FIGNL2: variants seen among roughly 807,000 people sequenced by gnomAD.
FIGNL2 encodes fidgetin like 2.
For missense variants in FIGNL2, 1,060 were observed against 950.2 expected (o/e 1.12, Z -1.52); for synonymous variants, 565 against 484.0 (o/e 1.17, Z -2.20).
In FIGNL2 at chr12:51,820,593, G is replaced by GGCC; in HGVS notation, c.1818_1820dup (p.Ala607dup). On this transcript the variant is annotated inframe_insertion, in exon 2 of 2. Coordinates refer to ENST00000618634, the MANE Select transcript of FIGNL2 (RefSeq NM_001384995.1). Reference sequence around the variant, plus strand: ...GCTGCAGCCCCGGGAGGCCCGCCCCGGCCGCCGCCTGCTGGCACAGCTGCC... The same window carrying GGCC: ...GCTGCAGCCCCGGGAGGCCCGCCCCGGCCGCCGCCGCCTGCTGGCACAGCTGCC... 7 of 1,525,690 alleles carry GGCC rather than the reference G, an allele frequency of 4.6e-6. No individual in the cohort carries two copies. The highest frequency in any genetic ancestry group is 2.6e-6 in the Non-Finnish European group (3 of 1,143,088). The allele number at this position is 1,525,690 out of a possible 1,614,324, so 94.5% of individuals were successfully genotyped here.
In FIGNL2 at chr12:51,821,717, G is replaced by C. The variant is rs773304995; in HGVS notation, c.697C>G (p.Pro233Ala). The C allele has an allele frequency of 3.8e-6, 5 of 1,333,164 alleles. No homozygotes were observed. The African/African-American group carries it at 7.7e-5, about 21-fold the overall frequency. The allele number at this position is 1,333,164 out of a possible 1,614,324, so 82.6% of individuals were successfully genotyped here. The change falls in exon 2 of 2, where the codon CCG becomes GCG. Residue 233 changes from proline to alanine, a missense_variant. Physicochemically the swap from Pro to Ala is conservative, Grantham distance 27. Transcript: ENST00000618634. ...AGGGGCGTGGGCGCGGGCAGGCCCG[G>C]GGTCAGGTAGGGGGCCGGGGGTGGG... ...PGPPPAPYLTPGLPAPTPLPA... is the reference protein window; with the variant it reads ...PGPPPAPYLTAGLPAPTPLPA...
Position 51,822,213 on chromosome 12 carries a change from G to A in FIGNL2, c.201C>T (p.Tyr67=), listed in dbSNP as rs771144128. The stretch of plus-strand genomic sequence containing the variant: ...CGTAGGGAGAATCCAAGACCCCAGA[G>A]TACTTCTCTGCATAGCGCTTTAGGA... ...SNLLKRYAEK[Y]SGVLDSPYER... is the part of the protein sequence containing the mutation. The change falls in exon 2 of 2, where the codon TAC becomes TAT. Residue 67 remains tyrosine, a synonymous_variant. Transcript: ENST00000618634. The A allele has an allele frequency of 1.3e-5, 21 of 1,611,854 alleles. No homozygotes were observed. In the East Asian group the frequency reaches 2.0e-4, roughly 15 times the overall value.
intron 1 of FIGNL2, among the ~76,000 whole-genome samples, chr12:51,837,454 G>A (rs1465730157): frequency 6.6e-6 from 1 of 152,200 alleles, no homozygotes. Flanking sequence ...GCTGCCTTGG[G>A]ATGGGCTGGG....
chr12:51,825,276 A>C (rs1349780283), intron 1 of FIGNL2, among the ~76,000 whole-genome samples: 1 of 152,176 alleles, frequency 6.6e-6, no homozygotes, highest in Non-Finnish European at 1.5e-5. Context: ...TAAATGAAGA[A>C]GACTCAGATC....
chr12:51,822,261 G>A lies in FIGNL2; in HGVS notation c.153C>T (p.Ile51=). 6.2e-7 allele frequency: 1 copy of A among 1,611,584 alleles called. No homozygotes were observed. ...RCHYAWAHDD[I]SALTASNLLK... ...GGAGGTTGGAGGCAGTGAGGGCTGA[G>A]ATGTCGTCGTGTGCCCAAGCGTAGT... is the stretch of plus-strand genomic sequence containing the variant. The change falls in exon 2 of 2, where the codon ATC becomes ATT. Residue 51 remains isoleucine, a synonymous_variant. Coordinates refer to ENST00000618634, the MANE Select transcript of FIGNL2 (RefSeq NM_001384995.1).
intron 1 of FIGNL2, among the ~76,000 whole-genome samples, chr12:51,828,637 C>T (rs1248911060): frequency 6.6e-6 from 1 of 152,190 alleles, no homozygotes; most frequent in African/African-American, 2.4e-5. Context: ...TCCTGCTGCC[C>T]TCGGGTCCTG....
In FIGNL2 at chr12:51,820,737, G is replaced by T; in HGVS notation, c.1677C>A (p.Asp559Glu). 6.7e-7 allele frequency: 1 copy of T among 1,484,000 alleles called. No individual in the cohort carries two copies. Among genetic ancestry groups the T allele is most frequent in the Non-Finnish European group, 8.9e-7 (1 of 1,126,430 alleles). 91.9% of individuals were successfully genotyped at this position (1,484,000 alleles called of 1,614,324 possible). A position where few individuals can be genotyped will look rare whatever the true frequency, so the allele number is the denominator to read the frequency against. ...GCAGGATCTGCCCGCGGGCCGGGCT[G>T]TCGGGCAGCGCCACGTAGAAGCGGA... ...FSLRFYVALP[D>E]SPARGQILQR... The change falls in exon 2 of 2, where the codon GAC becomes GAA. Residue 559 changes from aspartate (D) to glutamate (E), a missense_variant. By Grantham distance (45) the Asp-to-Glu change is conservative. Transcript: ENST00000618634.
chr12:51,847,491 A>T, intron 1 of FIGNL2: 1 of 985,456 alleles, frequency 1.0e-6, no homozygotes, highest in Non-Finnish European at 1.2e-6. Context: ...TTAGGTATCC[A>T]TGGAGACAGG....
chr12:51,822,029 G>A lies in FIGNL2; in HGVS notation c.385C>T (p.Leu129=). 6.2e-7 allele frequency: 1 copy of A among 1,604,778 alleles called. No homozygotes were observed. The highest frequency in any genetic ancestry group is 1.3e-5 in the African/African-American group (1 of 74,880). The change falls in exon 2 of 2, where the codon CTG becomes TTG. Residue 129 remains leucine, a synonymous_variant. Coordinates refer to ENST00000618634, the MANE Select transcript of FIGNL2 (RefSeq NM_001384995.1). ...CCGGCTAAAACTGGGGAGCCCCCCA[G>A]GGCCCCGGAACCGCCGCCACCGCCC... is the stretch of plus-strand genomic sequence containing the variant. The part of the protein sequence containing the change: ...KSGGGGGSGA[L]GGSPVLAGNL...
chr12:51,845,520 A>G, intron 1 of FIGNL2: 1 of 985,158 alleles, frequency 1.0e-6, no homozygotes, highest in Non-Finnish European at 1.2e-6. Flanking sequence ...GCACAGGGGC[A>G]CTGGGGCCTG....
intron 1 of FIGNL2, among the ~76,000 whole-genome samples, chr12:51,839,142 C>T (rs1939622673): frequency 6.6e-6 from 1 of 151,896 alleles, no homozygotes; most frequent in African/African-American, 2.4e-5. Flanking sequence ...CCTGACAGCC[C>T]ACTGTGCCCA....
In FIGNL2 at chr12:51,843,921, T is replaced by C. The variant is rs186070913; in HGVS notation, c.-12+4619A>G. 3.7e-4 allele frequency among the ~76,000 whole-genome samples: 57 copies of C among 152,162 alleles called. 1 individual carries two copies. The East Asian group carries it at 0.011, about 29-fold the overall frequency. On this transcript the variant is annotated intron_variant, in intron 1 of 1. Transcript: ENST00000618634. ...AGACCACCGCCTCTACAATTTTTTTTTTTTAAGATGACTTGGGCAAGCACT... is the reference window on the plus strand; with the variant it reads ...AGACCACCGCCTCTACAATTTTTTTCTTTTAAGATGACTTGGGCAAGCACT...
chr12:51,831,001 A>T (rs1939451363), intron 1 of FIGNL2, among the ~76,000 whole-genome samples: 1 of 151,306 alleles, frequency 6.6e-6, no homozygotes, highest in Non-Finnish European at 1.5e-5. Context: ...ACAGAGTTTC[A>T]CCAGGTTGTT....
rs1001027572 is a variant in FIGNL2 at position 51,820,211 on chromosome 12, G to A, written c.*241C>T. On this transcript the variant is annotated 3_prime_UTR_variant, in exon 2 of 2. Transcript: ENST00000618634. ...CTGCCCGGTCTGCCGGGCGGAGATG[G>A]CGAGCTTCCAGTCCACAATAAATAG... 1.9e-5 allele frequency: 10 copies of A among 530,110 alleles called. No homozygotes were observed. Among genetic ancestry groups the A allele is most frequent in the Non-Finnish European group, 2.0e-5 (6 of 307,476 alleles). The allele number at this position is 530,110 out of a possible 1,614,324, so 32.8% of individuals were successfully genotyped here. A position where few individuals can be genotyped will look rare whatever the true frequency, so the allele number is the denominator to read the frequency against.
intron 1 of FIGNL2, chr12:51,847,086 G>A: frequency 2.0e-6 from 2 of 985,360 alleles, no homozygotes; most frequent in Non-Finnish European, 2.4e-6. Context: ...GGGTGGCGGC[G>A]GCACCACAGC....
intron 1 of FIGNL2, chr12:51,846,987 C>G (rs757138508): frequency 1.5e-4 from 148 of 983,892 alleles, no homozygotes; most frequent in Admixed American, 5.5e-4. Flanking sequence ...CCCAGCAAGC[C>G]CCGCCCCTTT....
intron 1 of FIGNL2, among the ~76,000 whole-genome samples, chr12:51,834,093 A>G (rs142721472): frequency 2.9e-5 from 4 of 139,514 alleles, no homozygotes; most frequent in East Asian, 2.3e-4. Flanking sequence ...AGACAGACGG[A>G]TGGGTGGATG....
chr12:51,837,447 G>A lies in FIGNL2; in HGVS notation c.-12+11093C>T, dbSNP rs544170353. 3.9e-5 allele frequency among the ~76,000 whole-genome samples: 6 copies of A among 152,308 alleles called. No individual in the cohort carries two copies. The East Asian group carries it at 1.2e-3, about 29-fold the overall frequency. On this transcript the variant is annotated intron_variant, in intron 1 of 1. Coordinates refer to ENST00000618634, the MANE Select transcript of FIGNL2 (RefSeq NM_001384995.1). ...TGCCGGTACCCCCTGTGACCTGGCT[G>A]CCTTGGGATGGGCTGGGGGGCTGCC...
rs946037693 is a variant in FIGNL2 at position 51,847,026 on chromosome 12, G to A, written c.-12+1514C>T. On this transcript the variant is annotated intron_variant, in intron 1 of 1. Coordinates refer to ENST00000618634, the MANE Select transcript of FIGNL2 (RefSeq NM_001384995.1). ...CGCCCACCCCAGGAAGTCCCGCCCC[G>A]CCCCCTGCCCGCAGCTCGCGCGGCC... The A allele has an allele frequency of 5.5e-6, 4 of 731,942 alleles. No individual in the cohort carries two copies. The African/African-American group carries it at 7.7e-5, about 14-fold the overall frequency. The allele number at this position is 731,942 out of a possible 1,614,324, so 45.3% of individuals were successfully genotyped here.
Sources: allele counts gnomAD v4.1 joint callset (sites outside exome capture counted in the v4.1 genomes callset), GRCh38; gene constraint gnomAD v4.1.1; transcripts MANE v1.5; gene names NCBI Gene and HGNC (gene_info 2026-07-23, HGNC 2026-07-21).